PLCXD1: variants seen among roughly 807,000 people sequenced by gnomAD.
PLCXD1 encodes phosphatidylinositol specific phospholipase C X domain containing 1, also known as PI-PLC X domain-containing protein 1.
In PLCXD1, 45 loss-of-function variants were observed where a neutral mutation model predicts 37.8. The ratio of observed to expected loss-of-function variants is 1.19; its 90% CI spans 0.94 to 1.53. The LOEUF is 1.53. Among genes scored for constraint, PLCXD1 ranks in the 40% most tolerant of loss-of-function variants. The pLI is 0.00. For synonymous variants in PLCXD1, 246 were observed against 206.9 expected (o/e 1.19, Z -1.62); for missense variants, 539 against 454.7 (o/e 1.19, Z -1.69).
intron 1 of PLCXD1, among the ~76,000 whole-genome samples, chrX:282,698 T>G (rs1305056548): frequency 7.5e-6 from 1 of 134,024 alleles, no homozygotes; most frequent in Non-Finnish European, 1.6e-5. Context: ...AGAGGGAAAC[T>G]GTGTCAAAAA....
intron 1 of PLCXD1, 51 bp from the exon 2 acceptor site, chrX:284,116 C>G: frequency 1.1e-5 from 16 of 1,500,208 alleles, no homozygotes; most frequent in Non-Finnish European, 1.5e-5. Context: ...GTCTCGAACT[C>G]CTGACCTGAA....
rs1031300088 is a variant in PLCXD1, at chrX:301,281, G to A, written c.*1946G>A. 5 of 152,206 alleles carry A rather than the reference G, an allele frequency of 3.3e-5. No homozygotes were observed. Among genetic ancestry groups the A allele is most frequent in the African/African-American group, 1.2e-4 (5 of 41,414 alleles). The allele number at this position is 152,206 out of a possible 1,614,324, so 9.4% of individuals were successfully genotyped here. ...CCACCTTAGCTTCCAGAGTGGCCAG[G>A]ATCACAGGCAGGCACCACCATGCCC... On this transcript the variant is annotated 3_prime_UTR_variant, in exon 7 of 7. Coordinates refer to ENST00000381657, the MANE Select transcript of PLCXD1 (RefSeq NM_018390.4).
intron 2 of PLCXD1, among the ~76,000 whole-genome samples, chrX:284,974 C>G (rs2069399389): frequency 6.6e-6 from 1 of 152,180 alleles, no homozygotes; most frequent in Admixed American, 6.5e-5. Context: ...GACCTCCCAC[C>G]AGGTCCCTCC....
Position 299,493 on chromosome X carries a change from A to G in PLCXD1, c.*158A>G, listed in dbSNP as rs2069932877. On this transcript the variant is annotated 3_prime_UTR_variant, in exon 7 of 7. Transcript: ENST00000381657. ...AGAGATGGGGTGGCTGGGCGTGGTGACTTCGCCTGTCTTCCCAGCACTTTG... is the reference window on the plus strand; with the variant it reads ...AGAGATGGGGTGGCTGGGCGTGGTGGCTTCGCCTGTCTTCCCAGCACTTTG... 1 of 656,070 alleles carries G rather than the reference A, an allele frequency of 1.5e-6. No homozygotes were observed. The highest frequency in any genetic ancestry group is 2.7e-5 in the East Asian group (1 of 36,842). 40.6% of individuals were successfully genotyped at this position (656,070 alleles called of 1,614,324 possible).
chrX:279,233 AC>A (rs2069212509), upstream of PLCXD1, among the ~76,000 whole-genome samples: 1 of 152,106 alleles, frequency 6.6e-6, no homozygotes, highest in African/African-American at 2.4e-5. Flanking sequence ...ATTTTAGTTA[AC>A]CAGTTAAGGC....
rs2070055680 is a variant in PLCXD1 at position 302,718 on chromosome X, C to CTT, written c.*3383_*3384insTT. On this transcript the variant is annotated 3_prime_UTR_variant, in exon 7 of 7. Transcript: ENST00000381657. ...CCTCCCAAGTAGCTGGGATTGCAGG[C>CTT]GCCCGCCACCACGCCCGGATAATTT... 1 of 152,194 alleles carries CTT rather than the reference C, an allele frequency of 6.6e-6. No individual in the cohort carries two copies. The highest frequency in any genetic ancestry group is 2.4e-5 in the African/African-American group (1 of 41,434). 9.4% of individuals were successfully genotyped at this position (152,194 alleles called of 1,614,324 possible). A position where few individuals can be genotyped will look rare whatever the true frequency, so the allele number is the denominator to read the frequency against.
In PLCXD1 at chrX:299,358, A is replaced by G; in HGVS notation, c.*23A>G. The G allele has an allele frequency of 6.5e-7, 1 of 1,545,938 alleles. No individual in the cohort carries two copies. On this transcript the variant is annotated 3_prime_UTR_variant, in exon 7 of 7. Transcript: ENST00000381657. ...TGACGGGACCCTTCTGAAGTTCGGGACGCGGCGGCTGCAGTTTCACCCCCG... is the reference window on the plus strand; with the variant it reads ...TGACGGGACCCTTCTGAAGTTCGGGGCGCGGCGGCTGCAGTTTCACCCCCG...
chrX:276,749 G>A (rs985676530), upstream of PLCXD1, among the ~76,000 whole-genome samples: 4 of 152,166 alleles, frequency 2.6e-5, no homozygotes, highest in East Asian at 1.9e-4. Flanking sequence ...CCCTGCCGCC[G>A]GGGCCTGCGT....
Position 294,721 on chromosome X carries a change from T to C in PLCXD1, c.733+1503T>C, listed in dbSNP as rs186658451. 3.6e-3 allele frequency among the ~76,000 whole-genome samples: 550 copies of C among 151,548 alleles called. 3 individuals are homozygous for C. The highest frequency in any genetic ancestry group is 6.7e-3 in the Non-Finnish European group (456 of 67,870). ...CAGGAGGCTGAGGCAGGGGAATCAC[T>C]TGAACCAGGAAGGCGGAGGTTGCAG... On this transcript the variant is annotated intron_variant, in intron 6 of 6. Transcript: ENST00000381657.
chrX:299,687 A>T lies in PLCXD1; in HGVS notation c.*352A>T. The T allele has an allele frequency of 2.6e-6, 1 of 384,326 alleles. No homozygotes were observed. The highest frequency in any genetic ancestry group is 4.8e-6 in the Non-Finnish European group (1 of 209,126). 23.8% of individuals were successfully genotyped at this position (384,326 alleles called of 1,614,324 possible). A position where few individuals can be genotyped will look rare whatever the true frequency, so the allele number is the denominator to read the frequency against. On this transcript the variant is annotated 3_prime_UTR_variant, in exon 7 of 7. Coordinates refer to ENST00000381657, the MANE Select transcript of PLCXD1 (RefSeq NM_018390.4). ...CAGGAGAACTGCTTGAAGCCGGGAG[A>T]TGGAGGTTGCATTGAGCTGACATCG...
chrX:280,395 A>G (rs751761669), upstream of PLCXD1, among the ~76,000 whole-genome samples: 15 of 16,370 alleles, frequency 9.2e-4, no homozygotes, highest in South Asian at 8.6e-3. Context: ...TGCAGGGGGA[A>G]GGGAGGCCGT....
In PLCXD1 at chrX:301,861, G is replaced by A. The variant is rs2070027142; in HGVS notation, c.*2526G>A. ...GGCTGGTCTTGAACTCCCGACCTCAGGTGATCCATCCGCATTGGCCTCCCA... is the reference window on the plus strand; with the variant it reads ...GGCTGGTCTTGAACTCCCGACCTCAAGTGATCCATCCGCATTGGCCTCCCA... On this transcript the variant is annotated 3_prime_UTR_variant, in exon 7 of 7. Transcript: ENST00000381657. 6.6e-6 allele frequency: 1 copy of A among 152,210 alleles called. No homozygotes were observed. The highest frequency in any genetic ancestry group is 1.5e-5 in the Non-Finnish European group (1 of 68,104). 9.4% of individuals were successfully genotyped at this position (152,210 alleles called of 1,614,324 possible). A position where few individuals can be genotyped will look rare whatever the true frequency, so the allele number is the denominator to read the frequency against.
chrX:296,889 G>A (rs1265137209), intron 6 of PLCXD1, among the ~76,000 whole-genome samples: 52 of 120,316 alleles, frequency 4.3e-4, no homozygotes, highest in African/African-American at 1.9e-3. Flanking sequence ...CTCCCACATG[G>A]GGATTAGGAC....
At chrX:291,997 G>C (rs7878567) in intron 5 of PLCXD1, among the ~76,000 whole-genome samples, 35,180 of 147,426 alleles carry the variant, frequency 0.24, 5,939 homozygotes, top group African/African-American at 0.5. Context: ...GAAACCTGGT[G>C]TCTACTAAAA....
At chrX:291,825 G>C (rs1458716278) in intron 5 of PLCXD1, among the ~76,000 whole-genome samples, 171 bp downstream of exon 5, 1 of 152,156 alleles carries the variant, frequency 6.6e-6, no homozygotes, top group African/African-American at 2.4e-5. Flanking sequence ...TGGCTGACCC[G>C]GTGGGGTGGC....
At position 300,684 on chromosome X, in the gene PLCXD1, G is replaced by T. The variant is rs1286497329; in HGVS notation, c.*1349G>T. The T allele has an allele frequency of 6.6e-6, 1 of 151,846 alleles. No individual in the cohort carries two copies. The highest frequency in any genetic ancestry group is 2.4e-5 in the African/African-American group (1 of 41,234). 9.4% of individuals were successfully genotyped at this position (151,846 alleles called of 1,614,324 possible). On this transcript the variant is annotated 3_prime_UTR_variant, in exon 7 of 7. Coordinates refer to ENST00000381657, the MANE Select transcript of PLCXD1 (RefSeq NM_018390.4). ...CACACGTATACATATATACGTGCGT[G>T]TGTATGTGTATATATATATATGTGT...
At chrX:293,387 G>A (rs1278294740) in intron 6 of PLCXD1, among the ~76,000 whole-genome samples, 169 bp downstream of exon 6, 2 of 152,236 alleles carry the variant, frequency 1.3e-5, no homozygotes, top group Non-Finnish European at 2.9e-5. Context: ...ACTTCGGGAG[G>A]CCGAGGCGGG....
rs748940568 is a variant in PLCXD1, at chrX:291,642, G to C, written c.537G>C (p.Leu179=). 1.1e-5 allele frequency: 18 copies of C among 1,612,534 alleles called. No individual in the cohort carries two copies. The highest frequency in any genetic ancestry group is 1.7e-5 in the Admixed American group (1 of 60,012). ...TCAAGAACATCTTCGGGGACATGCT[G>C]TGTCCTCGTGGGGTGAGGAGGGGAA... ...ACIKNIFGDM[L]CPRGEVPTLR... Residue 179 remains leucine (L), a synonymous_variant, in exon 5 of 7, where the codon CTG becomes CTC. Transcript: ENST00000381657.
At position 290,665 on chromosome X, in the gene PLCXD1, G is replaced by A; in HGVS notation, c.282G>A (p.Glu94=). ...WSVTQALDVT[E]QLDAGVRYLD... ...GTCCACAGGCACTGGACGTCACAGA[G>A]CAGCTGGATGCCGGGGTGCGGTACC... Residue 94 remains glutamate, a synonymous_variant, in exon 4 of 7, where the codon GAG becomes GAA. Coordinates refer to ENST00000381657, the MANE Select transcript of PLCXD1 (RefSeq NM_018390.4). The A allele has an allele frequency of 6.2e-7, 1 of 1,613,842 alleles. No individual in the cohort carries two copies. Among genetic ancestry groups the A allele is most frequent in the Non-Finnish European group, 8.5e-7 (1 of 1,179,814 alleles).
Sources: gnomAD v4.1 joint callset for allele counts (sites outside exome capture counted in the v4.1 genomes callset) on GRCh38, gnomAD v4.1.1 for gene constraint, MANE v1.5 for transcripts, NCBI Gene and HGNC (gene_info 2026-07-23, HGNC 2026-07-21) for gene names.